PTCD2: variants seen among roughly 807,000 people sequenced by gnomAD.
PTCD2 encodes the protein pentatricopeptide repeat domain 2, also known as pentatricopeptide repeat-containing protein 2, mitochondrial.
A neutral mutation model predicts 42.6 loss-of-function variants in PTCD2; 31 were observed. The ratio of observed to expected loss-of-function variants is 0.73; its 90% CI spans 0.55 to 0.98. The LOEUF (loss-of-function observed/expected upper bound fraction) is 0.98. Ranked by LOEUF, PTCD2 falls within the 50% of genes least tolerant of loss-of-function variation. The pLI, the probability that PTCD2 is intolerant of heterozygous loss-of-function variation, is 0.00. For missense variants in PTCD2, 476 were observed against 454.8 expected, an observed-to-expected ratio of 1.05 and a Z score of -0.42; for synonymous variants, 183 against 170.9, an observed-to-expected ratio of 1.07 and a Z score of -0.55.
At chr5:72,334,396 T>C (rs894512514) in intron 4 of PTCD2, among the ~76,000 whole-genome samples, 7 of 152,214 alleles carry the variant, frequency 4.6e-5, no homozygotes, top group African/African-American at 1.7e-4. Context: ...CCAGGACCAC[T>C]CTGCCAGGGT....
intron 5 of PTCD2, chr5:72,335,472 A>T (rs919397394): frequency 2.3e-5 from 6 of 258,096 alleles, no homozygotes; most frequent in African/African-American, 1.3e-4. Context: ...AAAAAAAAAA[A>T]AATGATTCTT....
chr5:72,336,907 A>G (rs1246693561), intron 6 of PTCD2, among the ~76,000 whole-genome samples: 1 of 152,084 alleles, frequency 6.6e-6, no homozygotes, highest in African/African-American at 2.4e-5. Flanking sequence ...ACTGAAAACA[A>G]AGGAACATGA....
intron 9 of PTCD2, 61 bp downstream of exon 9, chr5:72,352,815 A>T (rs973167587): frequency 2.3e-6 from 2 of 854,358 alleles, no homozygotes; most frequent in Non-Finnish European, 3.8e-6. Flanking sequence ...AAAAATGTCC[A>T]CTAATTTCTC....
At chr5:72,331,763 G>A (rs1410079573) in intron 4 of PTCD2, among the ~76,000 whole-genome samples, 1 of 152,036 alleles carries the variant, frequency 6.6e-6, no homozygotes, top group African/African-American at 2.4e-5. Context: ...GACTACATTT[G>A]GGAAGTGCTT....
At chr5:72,321,681 G>T (rs1750856562) in intron 1 of PTCD2, among the ~76,000 whole-genome samples, 1 of 152,152 alleles carries the variant, frequency 6.6e-6, no homozygotes, top group African/African-American at 2.4e-5. Context: ...CCACATCTGA[G>T]AGGCCTTAAC....
Position 72,352,657 on chromosome 5 carries a change from A to G in PTCD2, c.845A>G (p.Gln282Arg). ...AATATTCAGATTATAATCCATATCCAGTCAAATATGTTGGAAAACCTGATA... is the reference window on the plus strand; with the variant it reads ...AATATTCAGATTATAATCCATATCCGGTCAAATATGTTGGAAAACCTGATA... ...CINLNIIIHI[Q>R]SNMLENLIKT... Residue 282 changes from glutamine to arginine, a missense_variant, in exon 9 of 10, where the codon CAG (glutamine) becomes CGG (arginine). Coordinates refer to ENST00000380639, the MANE Select transcript of PTCD2 (RefSeq NM_024754.5). The G allele has an allele frequency of 6.4e-7, 1 of 1,550,834 alleles. No homozygotes were observed. The highest frequency in any genetic ancestry group is 8.9e-7 in the Non-Finnish European group (1 of 1,123,946).
rs1243653479 is a variant in PTCD2 at position 72,362,754 on chromosome 5, C to T, written c.*4327C>T. The T allele has an allele frequency of 2.0e-5, 3 of 152,238 alleles. No homozygotes were observed. The highest frequency in any genetic ancestry group is 4.4e-5 in the Non-Finnish European group (3 of 68,042). 9.4% of individuals were successfully genotyped at this position (152,238 alleles called of 1,614,324 possible). ...GGACAAGGCACTACGAAAGACTCTACATGCCACAGGGAAAAGACAGACAAG... is the reference window on the plus strand; with the variant it reads ...GGACAAGGCACTACGAAAGACTCTATATGCCACAGGGAAAAGACAGACAAG... On this transcript the variant is annotated 3_prime_UTR_variant, in exon 10 of 10. Transcript: ENST00000380639.
chr5:72,352,681 TAAAG>T lies in PTCD2; in HGVS notation c.871_874del (p.Lys291LeufsTer2). The T allele has an allele frequency of 6.2e-7, 1 of 1,601,710 alleles. No homozygotes were observed. Among genetic ancestry groups the T allele is most frequent in the Non-Finnish European group, 8.6e-7 (1 of 1,169,156 alleles). On this transcript the variant is annotated frameshift_variant, in exon 9 of 10. Transcript: ENST00000380639. LOFTEE classifies it high-confidence loss of function. ...CAGTCAAATATGTTGGAAAACCTGA[TAAAG>T]ACTCTAAAAAATGCTGCAGAAGGAA...
intron 9 of PTCD2, among the ~76,000 whole-genome samples, chr5:72,356,817 C>T (rs1181174475): frequency 6.6e-6 from 1 of 152,178 alleles, no homozygotes; most frequent in Admixed American, 6.5e-5. Flanking sequence ...TGCTTGTCTG[C>T]AGGCATGGTT....
Position 72,326,656 on chromosome 5 carries a change from C to G in PTCD2, c.265C>G (p.Leu89Val). 1 of 1,614,102 alleles carries G rather than the reference C, an allele frequency of 6.2e-7. No homozygotes were observed. Among genetic ancestry groups the G allele is most frequent in the African/African-American group, 1.3e-5 (1 of 75,044 alleles). The change falls in exon 3 of 10, where the codon CTC becomes GTC. Residue 89 changes from leucine (L) to valine (V), a missense_variant. Transcript: ENST00000380639. ...NLKKKLTQNK[L>V]ILKGELITLL... Reference sequence around the variant, plus strand: ...GAAAAAGAAACTGACCCAGAACAAGCTCATCTTGAAGGGGGAGTTGATAAC... The same window carrying G: ...GAAAAAGAAACTGACCCAGAACAAGGTCATCTTGAAGGGGGAGTTGATAAC...
intron 7 of PTCD2, among the ~76,000 whole-genome samples, chr5:72,341,412 G>A (rs1011798505): frequency 1.2e-4 from 19 of 152,014 alleles, no homozygotes; most frequent in Non-Finnish European, 1.9e-4. Flanking sequence ...AGTGTCATGT[G>A]GTGGTTCTTT....
At chr5:72,340,132 T>C (rs1455712693) in intron 7 of PTCD2, among the ~76,000 whole-genome samples, 1 of 152,336 alleles carries the variant, frequency 6.6e-6, no homozygotes, top group East Asian at 1.9e-4. Flanking sequence ...TACTCTCTTA[T>C]GCCATGTGGT....
At chr5:72,320,638 C>G in intron 1 of PTCD2, 129 bp downstream of exon 1, 3 of 1,338,496 alleles carry the variant, frequency 2.2e-6, no homozygotes, top group African/African-American at 1.4e-5. Context: ...GCACCCTCGC[C>G]CTCTAGTTGC....
intron 8 of PTCD2, among the ~76,000 whole-genome samples, chr5:72,344,996 A>G (rs1561391287): frequency 6.6e-6 from 1 of 152,196 alleles, no homozygotes. Context: ...ATAACATCTT[A>G]TCAGGAGACA....
chr5:72,358,257 G>T lies in PTCD2; in HGVS notation c.997G>T (p.Asp333Tyr), dbSNP rs1387200420. Residue 333 changes from aspartate (D) to tyrosine (Y), a missense_variant, in exon 10 of 10, where the codon GAT becomes TAT. Asp to Tyr is a radical substitution (Grantham distance 160, BLOSUM62 -3). Transcript: ENST00000380639. ...TGTGCCTGCCCTTGTGGCCAAATTT[G>T]ATGAGATCTATGGGACACTGCACAT... ...KDVPALVAKFDEIYGTLHITG... is the reference protein window; with the variant it reads ...KDVPALVAKFYEIYGTLHITG... 1 of 1,614,106 alleles carries T rather than the reference G, an allele frequency of 6.2e-7. No homozygotes were observed. The highest frequency in any genetic ancestry group is 8.5e-7 in the Non-Finnish European group (1 of 1,179,996).
chr5:72,357,805 G>T (rs1752950676), intron 9 of PTCD2, among the ~76,000 whole-genome samples: 1 of 150,572 alleles, frequency 6.6e-6, no homozygotes, highest in Admixed American at 6.6e-5. Context: ...CTGTCTGTGT[G>T]CCCCAGTACC....
At position 72,363,318 on chromosome 5, in the gene PTCD2, C is replaced by T. The variant is rs544072228; in HGVS notation, c.*4891C>T. 1 of 152,328 alleles carries T rather than the reference C, an allele frequency of 6.6e-6. No individual in the cohort carries two copies. The highest frequency in any genetic ancestry group is 1.9e-4 in the East Asian group (1 of 5,190). 9.4% of individuals were successfully genotyped at this position (152,328 alleles called of 1,614,324 possible). On this transcript the variant is annotated 3_prime_UTR_variant, in exon 10 of 10. Coordinates refer to ENST00000380639, the MANE Select transcript of PTCD2 (RefSeq NM_024754.5). ...TAAAATACAGATTGATGGGCCCCACCCCCAGAATATCTGATTCCATACATA... is the reference window on the plus strand; with the variant it reads ...TAAAATACAGATTGATGGGCCCCACTCCCAGAATATCTGATTCCATACATA...
intron 8 of PTCD2, among the ~76,000 whole-genome samples, chr5:72,351,812 G>C (rs1219165683): frequency 6.6e-6 from 1 of 152,056 alleles, no homozygotes; most frequent in East Asian, 1.9e-4. Flanking sequence ...ATGAAATTTG[G>C]GTGGGGACAC....
chr5:72,340,211 T>G (rs983719505), intron 7 of PTCD2, among the ~76,000 whole-genome samples: 14 of 152,364 alleles, frequency 9.2e-5, no homozygotes, highest in African/African-American at 3.4e-4. Context: ...TTCTTAATTA[T>G]TTAATTCTTT....
Sources: gnomAD v4.1 joint callset for allele counts (sites outside exome capture counted in the v4.1 genomes callset) on GRCh38, gnomAD v4.1.1 for gene constraint, MANE v1.5 for transcripts, NCBI Gene and HGNC (gene_info 2026-07-23, HGNC 2026-07-21) for gene names.